Variants in COL15A1 observed in about 807,000 individuals in gnomAD.
The protein encoded by COL15A1 is collagen alpha-1(XV) chain.
In COL15A1, 111 loss-of-function variants were observed where a neutral mutation model predicts 165.9. The observed-to-expected ratio is 0.67, with a 90% CI of 0.57 to 0.78. COL15A1 has a LOEUF of 0.78. Among genes scored for constraint, COL15A1 ranks in the 30% least tolerant of loss-of-function variants. The probability of loss-of-function intolerance (pLI) is 0.00; values close to 1 mark genes in which losing one functional copy is unlikely to be tolerated. For synonymous variants in COL15A1, 659 were observed against 674.8 expected, an observed-to-expected ratio of 0.98 and a Z score of 0.36; for missense variants, 1,745 against 1,789.7, an observed-to-expected ratio of 0.98 and a Z score of 0.45.
At chr9:99,022,495 C>T (rs3739799) in intron 13 of COL15A1, among the ~76,000 whole-genome samples, 16,112 of 152,196 alleles carry the variant, frequency 0.11, 1,057 homozygotes, top group East Asian at 0.27. Context: ...TTGAGTGGTC[C>T]TCTGCCTTCC....
intron 9 of COL15A1, among the ~76,000 whole-genome samples, chr9:99,012,617 G>T (rs1838864240): frequency 6.6e-6 from 1 of 150,888 alleles, no homozygotes; most frequent in South Asian, 2.1e-4. Context: ...ATACTTGCAA[G>T]AAGAGGCACC....
rs1000887053 is a variant in COL15A1, at chr9:99,068,585, A to AT, written c.3874dup (p.Ser1292PhefsTer17). Reference sequence around the variant, plus strand: ...AGTACTTTTTAATAATTGGGACTCAATTTTTTCTGGCCACGGAGGTCAGTT... The same window carrying AT: ...AGTACTTTTTAATAATTGGGACTCAATTTTTTTCTGGCCACGGAGGTCAGTT... On this transcript the variant is annotated frameshift_variant, in exon 41 of 42. Coordinates refer to ENST00000375001, the MANE Select transcript of COL15A1 (RefSeq NM_001855.5). LOFTEE classifies it high-confidence loss of function. 2 of 1,543,466 alleles carry AT rather than the reference A, an allele frequency of 1.3e-6. No homozygotes were observed. The highest frequency in any genetic ancestry group is 1.7e-6 in the Non-Finnish European group (2 of 1,155,142).
chr9:99,005,391 G>T (rs189128453), intron 9 of COL15A1, among the ~76,000 whole-genome samples: 38 of 152,228 alleles, frequency 2.5e-4, no homozygotes, highest in African/African-American at 8.9e-4. Flanking sequence ...GCAGCAGGCG[G>T]CAGGCCCCAG....
intron 22 of COL15A1, 37 bp downstream of exon 22, chr9:99,038,770 C>T (rs774183296): frequency 7.9e-7 from 1 of 1,266,292 alleles, no homozygotes; most frequent in Admixed American, 1.7e-5. Flanking sequence ...GTGGCTTTTA[C>T]CCAGACGCCC....
At chr9:99,030,344 A>T (rs1839198081) in intron 16 of COL15A1, among the ~76,000 whole-genome samples, 1 of 152,142 alleles carries the variant, frequency 6.6e-6, no homozygotes, top group Non-Finnish European at 1.5e-5. Context: ...AAATTCTCTC[A>T]CTAAGAAATA....
intron 2 of COL15A1, among the ~76,000 whole-genome samples, chr9:98,982,333 T>C (rs1838246605): frequency 6.6e-6 from 1 of 152,230 alleles, no homozygotes; most frequent in South Asian, 2.1e-4. Context: ...GATTTCAACA[T>C]ATAATCAATA....
At position 98,955,900 on chromosome 9, in the gene COL15A1, GA is replaced by G. The variant is rs540450145; in HGVS notation, c.100+11653del. 2.5e-3 allele frequency among the ~76,000 whole-genome samples: 385 copies of G among 152,336 alleles called. 1 individual carries two copies. The highest frequency in any genetic ancestry group is 4.3e-3 in the Non-Finnish European group (293 of 68,036). On this transcript the variant is annotated intron_variant, in intron 2 of 41. Coordinates refer to ENST00000375001, the MANE Select transcript of COL15A1 (RefSeq NM_001855.5). ...GACTTGATTGTCTAGCTCAGAGAAG[GA>G]AAGTGACTAGCTCATGGTCACAGTT...
chr9:99,038,255 CA>C (rs1839338786), intron 21 of COL15A1, among the ~76,000 whole-genome samples: 1 of 151,912 alleles, frequency 6.6e-6, no homozygotes, highest in African/African-American at 2.4e-5. Context: ...ATTCATATTC[CA>C]AAATTCCACA....
intron 2 of COL15A1, among the ~76,000 whole-genome samples, chr9:98,973,805 A>C (rs996192468): frequency 6.6e-6 from 1 of 152,238 alleles, no homozygotes; most frequent in Admixed American, 6.5e-5. Flanking sequence ...TGTGGACTGA[A>C]AGAACCGGCA....
At chr9:99,033,033 T>C (rs143486136) in intron 16 of COL15A1, among the ~76,000 whole-genome samples, 18 of 152,356 alleles carry the variant, frequency 1.2e-4, no homozygotes, top group African/African-American at 4.3e-4. Flanking sequence ...AATTCTGTAG[T>C]TGACTTAGTT....
chr9:98,963,709 G>C (rs924471341), intron 2 of COL15A1, among the ~76,000 whole-genome samples: 2 of 149,150 alleles, frequency 1.3e-5, no homozygotes, highest in African/African-American at 5.2e-5. Flanking sequence ...TCATCTGGAT[G>C]GTGGTGGTGG....
intron 30 of COL15A1, 33 bp from the exon 31 acceptor site, chr9:99,052,355 G>A (rs759455283): frequency 1.9e-6 from 3 of 1,566,362 alleles, no homozygotes; most frequent in East Asian, 4.5e-5. Context: ...GGCAGAGCTT[G>A]CAGTGCCTAA....
At chr9:98,973,783 A>T (rs572344284) in intron 2 of COL15A1, among the ~76,000 whole-genome samples, 1 of 152,348 alleles carries the variant, frequency 6.6e-6, no homozygotes, top group South Asian at 2.1e-4. Flanking sequence ...CATTCCTTCC[A>T]GGCCTGAAGG....
At position 99,066,981 on chromosome 9, in the gene COL15A1, C is replaced by A. The variant is rs759193695; in HGVS notation, c.3751C>A (p.Arg1251=). Residue 1251 remains arginine (R), a synonymous_variant, in exon 40 of 42, where the codon CGA becomes AGA. Transcript: ENST00000375001. Reference sequence around the variant, plus strand: ...AGCTGCAGGACTGTTGTCCACCTACCGAGCATTCTTATCTTCCCATTTGCA... The same window carrying A: ...AGCTGCAGGACTGTTGTCCACCTACAGAGCATTCTTATCTTCCCATTTGCA... The part of the protein sequence containing the change: ...ARAAGLLSTY[R]AFLSSHLQDL... 2 of 1,614,092 alleles carry A rather than the reference C, an allele frequency of 1.2e-6. No homozygotes were observed. Among genetic ancestry groups the A allele is most frequent in the Non-Finnish European group, 1.7e-6 (2 of 1,179,980 alleles).
intron 7 of COL15A1, 86 bp from the exon 8 acceptor site, chr9:99,003,367 G>A (rs535224567): frequency 5.1e-5 from 55 of 1,077,700 alleles, no homozygotes; most frequent in Admixed American, 1.2e-4. Context: ...GGTGGCTGGA[G>A]AAGGCTAGGC....
chr9:98,947,707 G>C (rs186451489), intron 2 of COL15A1, among the ~76,000 whole-genome samples: 1 of 152,148 alleles, frequency 6.6e-6, no homozygotes, highest in Non-Finnish European at 1.5e-5. Flanking sequence ...CCAGAGTTCT[G>C]CCTGCACCTC....
At chr9:99,044,159 T>C (rs992482772) in intron 24 of COL15A1, among the ~76,000 whole-genome samples, 3 of 152,052 alleles carry the variant, frequency 2.0e-5, no homozygotes, top group Admixed American at 2.0e-4. Flanking sequence ...TCAAATACAT[T>C]GGGAGCCAGA....
chr9:99,056,533 T>A (rs1300762420), intron 35 of COL15A1, 129 bp downstream of exon 35: 3 of 1,349,916 alleles, frequency 2.2e-6, no homozygotes, highest in East Asian at 2.6e-5. Flanking sequence ...CTTCTTTCTT[T>A]TTTTTTTAAT....
chr9:99,055,345 A>G lies in COL15A1; in HGVS notation c.3165A>G (p.Pro1055=), dbSNP rs1588536514. The change falls in exon 34 of 42, where the codon CCA becomes CCG. Residue 1055 remains proline, a synonymous_variant. Coordinates refer to ENST00000375001, the MANE Select transcript of COL15A1 (RefSeq NM_001855.5). ...INGSFLMSGP[P]GLPGNPGPAG... ...GCAGCTTCCTTATGTCTGGGCCTCC[A>G]GGCCTGCCCGGAAATCCAGGCCCGG... is the stretch of plus-strand genomic sequence containing the variant. The G allele has an allele frequency of 6.2e-7, 1 of 1,613,412 alleles. No individual in the cohort carries two copies. Among genetic ancestry groups the G allele is most frequent in the Non-Finnish European group, 8.5e-7 (1 of 1,179,276 alleles).
Sources: allele counts gnomAD v4.1 joint callset (sites outside exome capture counted in the v4.1 genomes callset), GRCh38; gene constraint gnomAD v4.1.1; transcripts MANE v1.5; gene names NCBI Gene and HGNC (gene_info 2026-07-23, HGNC 2026-07-21).